TEAD4: variants seen among roughly 807,000 people sequenced by gnomAD.
The protein encoded by TEAD4 is transcriptional enhancer factor TEF-3.
In TEAD4, 36 loss-of-function variants were observed where a neutral mutation model predicts 52.4. The observed-to-expected ratio is 0.69, with a 90% CI of 0.53 to 0.91. The LOEUF is 0.91. Ranked by LOEUF, TEAD4 falls within the 40% of genes least tolerant of loss-of-function variation. TEAD4 has a pLI of 0.00. For missense variants in TEAD4, 508 were observed against 583.9 expected, an observed-to-expected ratio of 0.87 and a Z score of 1.34; for synonymous variants, 220 against 231.0, an observed-to-expected ratio of 0.95 and a Z score of 0.43.
chr12:2,966,133 C>A (rs1018603167), intron 2 of TEAD4, among the ~76,000 whole-genome samples: 2 of 152,144 alleles, frequency 1.3e-5, no homozygotes, highest in Non-Finnish European at 2.9e-5. Context: ...ACAACTCTAA[C>A]TTGGGTGGAG....
intron 2 of TEAD4, among the ~76,000 whole-genome samples, chr12:2,988,844 A>T (rs2098240799): frequency 6.6e-6 from 1 of 152,216 alleles, no homozygotes. Flanking sequence ...AGGAGCTTCC[A>T]GAAAGCTGAA....
At chr12:3,032,931 C>T (rs1400156540) in intron 10 of TEAD4, among the ~76,000 whole-genome samples, 8 of 152,224 alleles carry the variant, frequency 5.3e-5, no homozygotes, top group Non-Finnish European at 7.3e-5. Context: ...CCCCCCGCAT[C>T]GGGAAGCTCC....
chr12:3,006,076 G>A (rs79181227), intron 3 of TEAD4, among the ~76,000 whole-genome samples: 7,077 of 152,108 alleles, frequency 0.047, 526 homozygotes, highest in African/African-American at 0.16. Flanking sequence ...GAAATGATGG[G>A]TATGTTAATT....
At chr12:2,972,136 T>G (rs2098225661) in intron 2 of TEAD4, among the ~76,000 whole-genome samples, 1 of 151,964 alleles carries the variant, frequency 6.6e-6, no homozygotes, top group African/African-American at 2.4e-5. Flanking sequence ...TGGAGTGTGG[T>G]GGTGTGATCA....
At chr12:3,005,116 C>T (rs1285082933) in intron 3 of TEAD4, among the ~76,000 whole-genome samples, 1 of 152,172 alleles carries the variant, frequency 6.6e-6, no homozygotes, top group Non-Finnish European at 1.5e-5. Context: ...ATACCAGACG[C>T]AGAAGGACAA....
chr12:2,995,261 C>A (rs1049964377), intron 3 of TEAD4, among the ~76,000 whole-genome samples: 10 of 152,128 alleles, frequency 6.6e-5, no homozygotes, highest in Admixed American at 2.6e-4. Flanking sequence ...TAGAACATCC[C>A]CCCAGAGCAG....
chr12:3,039,682 G>A (rs1283417742), intron 11 of TEAD4, among the ~76,000 whole-genome samples: 1 of 152,068 alleles, frequency 6.6e-6, no homozygotes, highest in Non-Finnish European at 1.5e-5. Context: ...CAACCTAAGA[G>A]GGTGACTTTC....
intron 10 of TEAD4, among the ~76,000 whole-genome samples, chr12:3,036,230 A>G (rs2098279372): frequency 6.6e-6 from 1 of 152,098 alleles, no homozygotes; most frequent in Non-Finnish European, 1.5e-5. Context: ...TCCTCATCAT[A>G]AACGTAATCC....
intron 2 of TEAD4, among the ~76,000 whole-genome samples, chr12:2,963,253 A>C (rs1255874522): frequency 6.6e-6 from 1 of 152,152 alleles, no homozygotes; most frequent in Non-Finnish European, 1.5e-5. Flanking sequence ...GGTGACTGTC[A>C]CAAAGCAATG....
intron 2 of TEAD4, among the ~76,000 whole-genome samples, chr12:2,960,506 G>A (rs2098214426): frequency 6.6e-6 from 1 of 152,136 alleles, no homozygotes; most frequent in Non-Finnish European, 1.5e-5. Flanking sequence ...ACCCCAAAGT[G>A]AACATTTCCC....
At chr12:3,013,170 A>G (rs1157478418) in intron 5 of TEAD4, among the ~76,000 whole-genome samples, 2 of 151,876 alleles carry the variant, frequency 1.3e-5, no homozygotes, top group Admixed American at 6.6e-5. Flanking sequence ...TGAGCGGGTC[A>G]TAAACCCCTG....
chr12:2,966,770 G>A (rs766355571), intron 2 of TEAD4, among the ~76,000 whole-genome samples: 21 of 151,580 alleles, frequency 1.4e-4, no homozygotes, highest in Non-Finnish European at 2.4e-4. Context: ...ACAGTGGTGC[G>A]ATCTCGGCTC....
chr12:3,003,995 A>G (rs2109202), intron 3 of TEAD4, among the ~76,000 whole-genome samples: 128,287 of 152,254 alleles, frequency 0.84, 54,869 homozygotes, highest in Non-Finnish European at 0.92. Context: ...TGGTTCCCAC[A>G]CTCTACCTGT....
intron 10 of TEAD4, among the ~76,000 whole-genome samples, chr12:3,027,643 G>A (rs1465240783): frequency 6.6e-6 from 1 of 152,176 alleles, no homozygotes; most frequent in Admixed American, 6.5e-5. Flanking sequence ...GAGGCGGGTG[G>A]ATTGCTTGAG....
intron 10 of TEAD4, among the ~76,000 whole-genome samples, 181 bp downstream of exon 10, chr12:3,022,198 C>T (rs891209694): frequency 6.6e-6 from 1 of 152,184 alleles, no homozygotes; most frequent in Admixed American, 6.5e-5. Flanking sequence ...AGGAGCGGGG[C>T]GGTGATCCCA....
At chr12:2,997,626 T>G (rs1458477873) in intron 3 of TEAD4, among the ~76,000 whole-genome samples, 1 of 151,944 alleles carries the variant, frequency 6.6e-6, no homozygotes, top group South Asian at 2.1e-4. Flanking sequence ...CTGTGTGCTT[T>G]AGAGACAGAG....
intron 2 of TEAD4, among the ~76,000 whole-genome samples, chr12:2,985,726 G>A (rs188999348): frequency 2.3e-4 from 35 of 151,916 alleles, no homozygotes; most frequent in Admixed American, 1.8e-3. Flanking sequence ...GGGTGGCCTC[G>A]AGCTCCTGAC....
At chr12:3,021,704 C>T in intron 9 of TEAD4, 140 bp from the exon 10 acceptor site, 2 of 777,524 alleles carry the variant, frequency 2.6e-6, no homozygotes, top group East Asian at 2.7e-5. Context: ...TTTACCATCT[C>T]TATTTTACTC....
At chr12:3,005,578 G>A (rs1160023213) in intron 3 of TEAD4, among the ~76,000 whole-genome samples, 2 of 151,906 alleles carry the variant, frequency 1.3e-5, no homozygotes, top group South Asian at 2.1e-4. Flanking sequence ...CTCACTGCAA[G>A]CTCTGCCTCC....
Sources: gnomAD v4.1 joint callset for allele counts (sites outside exome capture counted in the v4.1 genomes callset) on GRCh38, gnomAD v4.1.1 for gene constraint, MANE v1.5 for transcripts, NCBI Gene and HGNC (gene_info 2026-07-23, HGNC 2026-07-21) for gene names.